The following TBXAS1 variants were observed in gnomAD, a reference collection of about 807,000 sequenced individuals.
TBXAS1 encodes thromboxane A synthase 1.
TBXAS1 carries 48 observed loss-of-function variants against 60.7 expected under a neutral mutation model. That is an observed-to-expected ratio of 0.79 (90% CI 0.63 to 1.01). The LOEUF (loss-of-function observed/expected upper bound fraction) is 1.01, where lower values mean the gene tolerates loss of function less well. TBXAS1 is among the 50% of genes least tolerant of loss of function. The pLI is 0.00. For missense variants in TBXAS1, 685 were observed against 686.3 expected, an observed-to-expected ratio of 1.00 and a Z score of 0.02; for synonymous variants, 287 against 269.7, an observed-to-expected ratio of 1.06 and a Z score of -0.63.
intron 5 of TBXAS1, among the ~76,000 whole-genome samples, chr7:139,950,181 T>A (rs887521304): frequency 7.9e-5 from 12 of 151,810 alleles, no homozygotes; most frequent in Non-Finnish European, 1.3e-4. Flanking sequence ...TACAGGTGCC[T>A]GCCACCACGC....
chr7:140,007,236 T>G, intron 10 of TBXAS1, 54 bp downstream of exon 10: 1 of 1,424,216 alleles, frequency 7.0e-7, no homozygotes, highest in Non-Finnish European at 9.6e-7. Flanking sequence ...CCCTACCCCC[T>G]GCCCCAGCCT....
intron 9 of TBXAS1, 27 bp downstream of exon 9, chr7:139,962,260 C>T: frequency 2.5e-6 from 4 of 1,612,436 alleles, no homozygotes; most frequent in Non-Finnish European, 3.4e-6. Flanking sequence ...TCCAGTTACC[C>T]ATGGGATATC....
chr7:139,974,010 C>T (rs1416206795), intron 9 of TBXAS1, among the ~76,000 whole-genome samples: 1 of 152,166 alleles, frequency 6.6e-6, no homozygotes, highest in South Asian at 2.1e-4. Flanking sequence ...TGGTTATGAA[C>T]AAGAAGCTTT....
chr7:139,980,802 A>G (rs59535095), intron 9 of TBXAS1, among the ~76,000 whole-genome samples: 170 of 152,032 alleles, frequency 1.1e-3, no homozygotes, highest in African/African-American at 4.0e-3. Flanking sequence ...AGACTCCTTA[A>G]GGCCACTTGG....
At chr7:139,783,733 A>C (rs921440146) in intron 3 of TBXAS1, among the ~76,000 whole-genome samples, 5 of 152,196 alleles carry the variant, frequency 3.3e-5, no homozygotes, top group Non-Finnish European at 5.9e-5. Context: ...TGAAGTTTCA[A>C]TTGTAAGGTT....
intron 4 of TBXAS1, among the ~76,000 whole-genome samples, chr7:139,809,709 GAA>G (rs1797980517): frequency 6.6e-6 from 1 of 152,164 alleles, no homozygotes; most frequent in African/African-American, 2.4e-5. Flanking sequence ...AAGAGCAGGA[GAA>G]AAAGGGTGTC....
At chr7:139,911,196 C>T (rs779494234) in intron 3 of TBXAS1, 29 bp from the exon 4 acceptor site, 1 of 1,594,888 alleles carries the variant, frequency 6.3e-7, no homozygotes, top group Non-Finnish European at 8.6e-7. Context: ...TAATGCAACA[C>T]ATTTTAATGC....
rs117300463 is a variant in TBXAS1 at position 139,928,790 on chromosome 7, G to A, written c.334-7401G>A. ...CTGTCCCTATGTGGGGGAAAGAAAA[G>A]AATGAGTAAACATTACTTCTCAGTG... On this transcript the variant is annotated intron_variant, in intron 4 of 12. Coordinates refer to ENST00000448866, the MANE Select transcript of TBXAS1 (RefSeq NM_001061.7). Among the ~76,000 whole-genome samples the A allele has an allele frequency of 5.8e-3, 882 of 152,256 alleles. 8 individuals are homozygous for A. The highest frequency in any genetic ancestry group is 0.025 in the South Asian group (121 of 4,826).
chr7:139,965,476 C>G (rs1236479857), intron 9 of TBXAS1, among the ~76,000 whole-genome samples: 2 of 152,158 alleles, frequency 1.3e-5, no homozygotes. Flanking sequence ...GCTCTGTCAT[C>G]CAGGCTGGAG....
chr7:139,809,434 T>A (rs1797974698), intron 4 of TBXAS1, among the ~76,000 whole-genome samples: 1 of 152,076 alleles, frequency 6.6e-6, no homozygotes, highest in South Asian at 2.1e-4. Context: ...GATAGAGAGT[T>A]ATAGATATAT....
intron 1 of TBXAS1, among the ~76,000 whole-genome samples, chr7:139,833,287 T>G (rs1798828620): frequency 6.6e-6 from 1 of 151,730 alleles, no homozygotes; most frequent in African/African-American, 2.4e-5. Flanking sequence ...CTTAAAGGGG[T>G]AGAAAAAGGC....
chr7:139,827,511 G>A (rs1490081777), upstream of TBXAS1, among the ~76,000 whole-genome samples: 1 of 150,470 alleles, frequency 6.6e-6, no homozygotes, highest in Non-Finnish European at 1.5e-5. Context: ...GCTCTTTGTT[G>A]CCTGTGTACT....
chr7:139,896,913 T>C lies in TBXAS1; in HGVS notation c.237-14312T>C, dbSNP rs915260641. Among the ~76,000 whole-genome samples the C allele has an allele frequency of 6.6e-6, 1 of 152,154 alleles. No individual in the cohort carries two copies. The highest frequency in any genetic ancestry group is 1.5e-5 in the Non-Finnish European group (1 of 68,024). On this transcript the variant is annotated intron_variant, in intron 3 of 12. Coordinates refer to ENST00000448866, the MANE Select transcript of TBXAS1 (RefSeq NM_001061.7). The surrounding 1 kb of genome is among the most constrained non-coding windows in gnomAD (Gnocchi z 4.0). ...TAGGGAATAGAACGACACAGTCAGC[T>C]TCTGTTTTACAAAGGTGATTGGCCT...
Position 139,953,354 on chromosome 7 carries a change from T to TTA in TBXAS1, c.451-12_451-11dup, listed in dbSNP as rs1387017959. 1.9e-6 allele frequency: 3 copies of TTA among 1,609,944 alleles called. No individual in the cohort carries two copies. In the African/African-American group the frequency reaches 4.0e-5, roughly 22 times the overall value. The stretch of plus-strand genomic sequence containing the variant: ...GCATGGTGCCCTAATTACACCTTTG[T>TTA]TATCCATTATCAGATGGTTCCCCTC... On this transcript the variant is annotated splice_polypyrimidine_tract_variant and intron_variant, in intron 5 of 12. Transcript: ENST00000448866.
intron 1 of TBXAS1, among the ~76,000 whole-genome samples, chr7:139,851,875 C>T (rs781631768): frequency 7.2e-5 from 11 of 152,176 alleles, no homozygotes; most frequent in Admixed American, 2.0e-4. Flanking sequence ...CCCCATTGTA[C>T]CAGGGTCAGT....
At chr7:139,906,939 T>C (rs566781111) in intron 3 of TBXAS1, among the ~76,000 whole-genome samples, 25 of 152,364 alleles carry the variant, frequency 1.6e-4, no homozygotes, top group African/African-American at 5.5e-4. Flanking sequence ...AGATTGTTTT[T>C]AAATTTTTTA....
intron 3 of TBXAS1, among the ~76,000 whole-genome samples, chr7:139,784,243 C>T (rs1797109911): frequency 7.0e-6 from 1 of 142,356 alleles, no homozygotes; most frequent in African/African-American, 2.6e-5. Flanking sequence ...TCTCTCTCTT[C>T]CTTCCTTCCT....
intron 3 of TBXAS1, chr7:139,782,802 CCT>C (rs1569488678): frequency 6.6e-6 from 1 of 152,112 alleles, no homozygotes; most frequent in South Asian, 2.1e-4. Flanking sequence ...TCTCTATTTT[CCT>C]CTCTTTCTGA....
At chr7:139,803,386 G>A (rs1797767674) in intron 4 of TBXAS1, among the ~76,000 whole-genome samples, 1 of 152,168 alleles carries the variant, frequency 6.6e-6, no homozygotes, top group South Asian at 2.1e-4. Flanking sequence ...AGGGTATGTG[G>A]TGGAAGAAAT....
Sources: allele counts gnomAD v4.1 joint callset (sites outside exome capture counted in the v4.1 genomes callset), GRCh38; gene constraint gnomAD v4.1.1; non-coding constraint Gnocchi (gnomAD v3.1); transcripts MANE v1.5; gene names NCBI Gene and HGNC (gene_info 2026-07-23, HGNC 2026-07-21).